Variants in CAMTA1 observed in about 807,000 individuals in gnomAD.
CAMTA1 encodes calmodulin-binding transcription activator 1.
In CAMTA1, 27 loss-of-function variants were observed where a neutral mutation model predicts 170.9. The observed-to-expected ratio is 0.16, with a 90% CI of 0.12 to 0.22. The LOEUF (loss-of-function observed/expected upper bound fraction) is 0.22. Ranked by LOEUF, CAMTA1 falls within the 10% of genes least tolerant of loss-of-function variation. The pLI is 1.00. For missense variants in CAMTA1, 1,619 were observed against 2,217.2 expected (o/e 0.73, Z 5.42); for synonymous variants, 833 against 891.5 (o/e 0.93, Z 1.17).
Position 7,113,009 on chromosome 1 carries a change from G to T in CAMTA1, c.302+21638G>T, listed in dbSNP as rs999779870. Among the ~76,000 whole-genome samples the T allele has an allele frequency of 2.0e-5, 3 of 152,150 alleles. No homozygotes were observed. Among genetic ancestry groups the T allele is most frequent in the African/African-American group, 7.2e-5 (3 of 41,412 alleles). On this transcript the variant is annotated intron_variant, in intron 4 of 22. Coordinates refer to ENST00000303635, the MANE Select transcript of CAMTA1 (RefSeq NM_015215.4). This position sits in a 1 kb window ranked among gnomAD's most constrained non-coding sequence, Gnocchi z 4.5. Reference sequence around the variant, plus strand: ...TGGAAACCTTTCCCGGCAGCCTCACGTCTGCTTTTCAGGTACTCTGGTTCC... The same window carrying T: ...TGGAAACCTTTCCCGGCAGCCTCACTTCTGCTTTTCAGGTACTCTGGTTCC...
chr1:7,648,449 G>A (rs1007233850), intron 7 of CAMTA1, among the ~76,000 whole-genome samples: 1 of 152,140 alleles, frequency 6.6e-6, no homozygotes, highest in African/African-American at 2.4e-5. Flanking sequence ...TTCCCCCATG[G>A]AGCTACAGGT....
intron 7 of CAMTA1, among the ~76,000 whole-genome samples, chr1:7,648,440 T>C (rs1051206708): frequency 2.0e-5 from 3 of 151,614 alleles, no homozygotes; most frequent in African/African-American, 7.3e-5. Context: ...CAAAAACTTT[T>C]CCCCCATGGA....
chr1:6,833,457 CAG>C (rs1484407718), intron 3 of CAMTA1, among the ~76,000 whole-genome samples: 1 of 152,104 alleles, frequency 6.6e-6, no homozygotes, highest in African/African-American at 2.4e-5. Context: ...TTTATATTAA[CAG>C]GGTTAGTTAA....
intron 4 of CAMTA1, among the ~76,000 whole-genome samples, chr1:7,190,927 T>C (rs973583993): frequency 2.0e-5 from 3 of 152,330 alleles, no homozygotes; most frequent in African/African-American, 7.2e-5. Context: ...AGCTAGTGAA[T>C]GGTGTGTAAT....
rs947701955 is a variant in CAMTA1, at chr1:7,443,984, T to C, written c.439-23846T>C. On this transcript the variant is annotated intron_variant, in intron 5 of 22. Coordinates refer to ENST00000303635, the MANE Select transcript of CAMTA1 (RefSeq NM_015215.4). The surrounding 1 kb of genome is among the most constrained non-coding windows in gnomAD (Gnocchi z 4.1). ...ATCCGTCGGTGAGCCATCGAGCCCC[T>C]CCTTCAGGCCCCCAGAGGAAGCTGG... 2.0e-5 allele frequency among the ~76,000 whole-genome samples: 3 copies of C among 151,624 alleles called. No individual in the cohort carries two copies. The highest frequency in any genetic ancestry group is 4.4e-5 in the Non-Finnish European group (3 of 67,760).
rs1323192732 is a variant in CAMTA1 at position 7,568,589 on chromosome 1, CCAT to C, written c.511-71802_511-71800del. Among the ~76,000 whole-genome samples the C allele has an allele frequency of 2.0e-5, 3 of 147,210 alleles. No individual in the cohort carries two copies. In the East Asian group the frequency reaches 6.3e-4, roughly 31 times the overall value. ...CCACCGACAACCATCATCAACATCA[CCAT>C]CATCATCACCACATCACCATCATCA... On this transcript the variant is annotated intron_variant, in intron 6 of 22. Transcript: ENST00000303635.
At chr1:6,964,533 G>C (rs1182432151) in intron 3 of CAMTA1, among the ~76,000 whole-genome samples, 1 of 152,182 alleles carries the variant, frequency 6.6e-6, no homozygotes, top group Non-Finnish European at 1.5e-5. Context: ...TCTCTCCCAG[G>C]TTGGAGAAAG....
At chr1:7,458,020 C>T (rs749098493) in intron 5 of CAMTA1, among the ~76,000 whole-genome samples, 4 of 150,320 alleles carry the variant, frequency 2.7e-5, no homozygotes, top group Non-Finnish European at 5.9e-5. Context: ...GCCTGCCTGG[C>T]GCTGCCTGGT....
At chr1:7,335,220 G>A (rs1363366601) in intron 5 of CAMTA1, among the ~76,000 whole-genome samples, 1 of 139,992 alleles carries the variant, frequency 7.1e-6, no homozygotes, top group Non-Finnish European at 1.5e-5. Flanking sequence ...ATTCTTCTGT[G>A]CAAGTTCCCA....
intron 3 of CAMTA1, among the ~76,000 whole-genome samples, chr1:7,040,679 A>T (rs957267737): frequency 6.6e-6 from 1 of 151,744 alleles, no homozygotes; most frequent in Non-Finnish European, 1.5e-5. Flanking sequence ...AATACAGAAT[A>T]AAACCCTGAC....
chr1:7,668,388 AACACACACACACAC>A (rs779206499), intron 9 of CAMTA1, among the ~76,000 whole-genome samples: 32 of 101,420 alleles, frequency 3.2e-4, no homozygotes, highest in East Asian at 5.5e-4. Context: ...GCTGGTCACC[AACACACACACACAC>A]ACACACACAC....
chr1:7,009,686 C>T (rs548096074), intron 3 of CAMTA1, among the ~76,000 whole-genome samples: 73 of 152,358 alleles, frequency 4.8e-4, no homozygotes, highest in East Asian at 2.7e-3. Context: ...CCCAGAGCCC[C>T]GGTCCGGGCT....
chr1:7,213,760 C>T (rs1457888800), intron 4 of CAMTA1, among the ~76,000 whole-genome samples: 2 of 151,836 alleles, frequency 1.3e-5, no homozygotes, highest in South Asian at 2.1e-4. Context: ...CCTCCCCCCT[C>T]CGCCCACCCC....
At chr1:6,841,662 C>T (rs1352917972) in intron 3 of CAMTA1, among the ~76,000 whole-genome samples, 5 of 151,620 alleles carry the variant, frequency 3.3e-5, no homozygotes, top group South Asian at 2.1e-4. Flanking sequence ...AAATGGGAGA[C>T]GGAATGTGGA....
intron 3 of CAMTA1, among the ~76,000 whole-genome samples, chr1:6,902,072 C>CACACACACA (rs3986505): frequency 3.8e-4 from 34 of 88,492 alleles, no homozygotes; most frequent in African/African-American, 9.0e-4. Context: ...CACACACACA[C>CACACACACA]AAAAAAAAAA....
intron 6 of CAMTA1, among the ~76,000 whole-genome samples, chr1:7,514,336 C>G (rs1336582902): frequency 1.3e-5 from 2 of 152,236 alleles, no homozygotes; most frequent in African/African-American, 4.8e-5. Flanking sequence ...ACAGGCAGTG[C>G]CTGGGCCAGA....
chr1:7,516,929 T>G (rs1163690375), intron 6 of CAMTA1, among the ~76,000 whole-genome samples: 1 of 152,184 alleles, frequency 6.6e-6, no homozygotes, highest in Non-Finnish European at 1.5e-5. Flanking sequence ...ATGCCCATGT[T>G]TAAAAATCTA....
chr1:7,480,180 T>G (rs894023652), intron 6 of CAMTA1, among the ~76,000 whole-genome samples: 1 of 148,686 alleles, frequency 6.7e-6, no homozygotes. Context: ...TGCTTGTGTC[T>G]CAGTGCATGT....
chr1:7,762,492 A>G (rs1023068231), intron 22 of CAMTA1, among the ~76,000 whole-genome samples: 2 of 152,240 alleles, frequency 1.3e-5, no homozygotes, highest in Non-Finnish European at 2.9e-5. Flanking sequence ...TGGAGGCAAT[A>G]TAACATTCAA....
Sources: allele counts gnomAD v4.1 joint callset (sites outside exome capture counted in the v4.1 genomes callset), GRCh38; gene constraint gnomAD v4.1.1; non-coding constraint Gnocchi (gnomAD v3.1); transcripts MANE v1.5; gene names NCBI Gene and HGNC (gene_info 2026-07-23, HGNC 2026-07-21).